The following SIM1 variants were observed in gnomAD, a reference collection of about 807,000 sequenced individuals.
SIM1 encodes SIM bHLH transcription factor 1.
SIM1 carries 18 observed loss-of-function variants against 78.2 expected under a neutral mutation model. The observed-to-expected ratio is 0.23, with a 90% CI of 0.16 to 0.34. SIM1 has a LOEUF of 0.34. SIM1 is among the 10% of genes least tolerant of loss of function. The pLI is 1.00. For missense variants in SIM1, 939 were observed against 975.1 expected (o/e 0.96, Z 0.49); for synonymous variants, 417 against 385.2 (o/e 1.08, Z -0.97).
chr6:100,416,988 A>AC (rs1036384530), intron 10 of SIM1, among the ~76,000 whole-genome samples: 8 of 152,034 alleles, frequency 5.3e-5, no homozygotes, highest in Admixed American at 1.3e-4. Flanking sequence ...TCAAAAAAAA[A>AC]AAACAAACTC....
chr6:100,420,790 C>G lies in SIM1; in HGVS notation c.1167G>C (p.Gln389His). The stretch of plus-strand genomic sequence containing the variant: ...AGTTGCAAAACAGCAATGCACTTAC[C>G]TGAGGGTATGGGGAAGTCCTGGATT... The part of the protein sequence containing the change: ...KSKSRTSPYP[Q>H]YSGFHTERSE... Residue 389 changes from glutamine to histidine, a missense_variant and splice_region_variant, in exon 10 of 12, where the codon CAG (glutamine) becomes CAC (histidine). Around this residue, in one of 5 missense-constraint regions of SIM1, gnomAD observed 556 missense variants for 521.9 expected, o/e 1.07. Coordinates refer to ENST00000369208, the MANE Select transcript of SIM1 (RefSeq NM_005068.3). 1 of 1,613,998 alleles carries G rather than the reference C, an allele frequency of 6.2e-7. No homozygotes were observed. Among genetic ancestry groups the G allele is most frequent in the Non-Finnish European group, 8.5e-7 (1 of 1,179,974 alleles).
chr6:100,420,859 G>C lies in SIM1; in HGVS notation c.1098C>G (p.Asp366Glu), dbSNP rs755575676. The change falls in exon 10 of 12, where the codon GAC becomes GAG. Residue 366 changes from aspartate (D) to glutamate (E), a missense_variant. Transcript: ENST00000369208. Reference sequence around the variant, plus strand: ...GCCGGGATTTGGCCCCCTTTCTGTTGTCAGTCATGGTGGGGGTGGAGCTGC... The same window carrying C: ...GCCGGGATTTGGCCCCCTTTCTGTTCTCAGTCATGGTGGGGGTGGAGCTGC... Reference protein sequence around the residue: ...YTSSSTPTMTDNRKGAKSRLS... With the variant: ...YTSSSTPTMTENRKGAKSRLS... 4.8e-5 allele frequency: 78 copies of C among 1,613,978 alleles called. No individual in the cohort carries two copies. Among genetic ancestry groups the C allele is most frequent in the Non-Finnish European group, 5.9e-6 (7 of 1,180,022 alleles).
rs1770548205 is a variant in SIM1, at chr6:100,387,771, T to C, written c.*2590A>G. On this transcript the variant is annotated 3_prime_UTR_variant, in exon 12 of 12. Transcript: ENST00000369208. ...TTCTGATTACTCTCATCTGTGAAAT[T>C]CATAATTTCTTCTTCTCACCAGTTA... The C allele has an allele frequency of 6.6e-6, 1 of 152,118 alleles. No individual in the cohort carries two copies. The highest frequency in any genetic ancestry group is 2.4e-5 in the African/African-American group (1 of 41,454). The allele number at this position is 152,118 out of a possible 1,614,324, so 9.4% of individuals were successfully genotyped here.
intron 9 of SIM1, among the ~76,000 whole-genome samples, chr6:100,433,464 C>A (rs113660433): frequency 2.0e-5 from 3 of 152,174 alleles, no homozygotes; most frequent in East Asian, 3.8e-4. Flanking sequence ...TTTAGAGAAA[C>A]CTTTCTGACC....
At chr6:100,403,072 T>G (rs1770966754) in intron 10 of SIM1, among the ~76,000 whole-genome samples, 1 of 152,200 alleles carries the variant, frequency 6.6e-6, no homozygotes, top group African/African-American at 2.4e-5. Flanking sequence ...CTGAAACCTC[T>G]TCTTAGAAAA....
At chr6:100,462,528 G>A (rs1772881748) in intron 2 of SIM1, 1 of 152,154 alleles carries the variant, frequency 6.6e-6, no homozygotes, top group African/African-American at 2.4e-5. Flanking sequence ...CAACAGCTCA[G>A]CTATTCTAAC....
At position 100,463,557 on chromosome 6, in the gene SIM1, G is replaced by C; in HGVS notation, c.-89C>G. 8.0e-7 allele frequency: 1 copy of C among 1,254,432 alleles called. No individual in the cohort carries two copies. Among genetic ancestry groups the C allele is most frequent in the Admixed American group, 2.1e-5 (1 of 46,820 alleles). 77.7% of individuals were successfully genotyped at this position (1,254,432 alleles called of 1,614,324 possible). A position where few individuals can be genotyped will look rare whatever the true frequency, so the allele number is the denominator to read the frequency against. ...AAACTTTCAATTAGAGATCATATTT[G>C]GCAAAAACATAAAACATACTTTGAA... On this transcript the variant is annotated 5_prime_UTR_variant, in exon 2 of 12. Coordinates refer to ENST00000369208, the MANE Select transcript of SIM1 (RefSeq NM_005068.3).
chr6:100,410,844 T>C (rs1019464094), intron 10 of SIM1, among the ~76,000 whole-genome samples: 1 of 152,184 alleles, frequency 6.6e-6, no homozygotes, highest in African/African-American at 2.4e-5. Flanking sequence ...AAATGTGATG[T>C]CCTCTTCCAG....
intron 3 of SIM1, 141 bp downstream of exon 3, chr6:100,453,621 T>C (rs970870550): frequency 6.2e-6 from 4 of 641,348 alleles, no homozygotes; most frequent in Non-Finnish European, 1.0e-5. Context: ...GAGGGCCACG[T>C]GCAGTCCGGA....
intron 10 of SIM1, among the ~76,000 whole-genome samples, chr6:100,397,838 CA>C (rs1393227837): frequency 6.6e-6 from 1 of 151,834 alleles, no homozygotes; most frequent in African/African-American, 2.4e-5. Flanking sequence ...ACAAGAACAA[CA>C]AAAAAGGGTG....
intron 9 of SIM1, among the ~76,000 whole-genome samples, chr6:100,434,917 C>T (rs1200629238): frequency 2.0e-5 from 3 of 152,204 alleles, no homozygotes; most frequent in Non-Finnish European, 2.9e-5. Flanking sequence ...GATCCATTCA[C>T]AGGCCCTATC....
At position 100,420,891 on chromosome 6, in the gene SIM1, A is replaced by T. The variant is rs767534502; in HGVS notation, c.1066T>A (p.Tyr356Asn). 1.9e-6 allele frequency: 3 copies of T among 1,613,890 alleles called. 1 individual carries two copies. In the Admixed American group the frequency reaches 5.0e-5, roughly 27 times the overall value. Residue 356 changes from tyrosine (Y) to asparagine (N), a missense_variant, in exon 10 of 12, where the codon TAT becomes AAT. By Grantham distance (143) the Tyr-to-Asn change is moderately radical (BLOSUM62 -2). This residue lies in a region of SIM1 where 556 missense variants were observed against 521.9 expected (regional missense o/e 1.07). Coordinates refer to ENST00000369208, the MANE Select transcript of SIM1 (RefSeq NM_005068.3). ...ATGGTGGGGGTGGAGCTGCTGGTAT[A>T]GGAGAAGGCTGGTTTGGAGGCTGAG... Reference protein sequence around the residue: ...QISASKPAFSYTSSSTPTMTD... With the variant: ...QISASKPAFSNTSSSTPTMTD...
chr6:100,461,839 T>A lies in SIM1; in HGVS notation c.175+1455A>T. Among the ~76,000 whole-genome samples, 5 of 56,654 alleles carry A rather than the reference T, an allele frequency of 8.8e-5. No individual in the cohort carries two copies. In the South Asian group the frequency reaches 5.5e-3, roughly 62 times the overall value. The allele number at this position is 56,654 out of a possible 152,430, so 37.2% of individuals were successfully genotyped here. On this transcript the variant is annotated intron_variant, in intron 2 of 11. Transcript: ENST00000369208. Reference sequence around the variant, plus strand: ...TTTTCTTCTTTTTTTCTTTCTTTCTTTCTTTTTTTTTTTTTTTTTTTAATT... The same window carrying A: ...TTTTCTTCTTTTTTTCTTTCTTTCTATCTTTTTTTTTTTTTTTTTTTAATT...
intron 8 of SIM1, among the ~76,000 whole-genome samples, 197 bp downstream of exon 8, chr6:100,447,949 T>C (rs1772404559): frequency 6.6e-6 from 1 of 152,246 alleles, no homozygotes; most frequent in South Asian, 2.1e-4. Context: ...CCGCCTATAT[T>C]AGCGGCCCGC....
intron 10 of SIM1, among the ~76,000 whole-genome samples, chr6:100,410,359 A>C (rs1000958822): frequency 1.3e-5 from 2 of 152,226 alleles, no homozygotes; most frequent in Non-Finnish European, 2.9e-5. Flanking sequence ...TTAAGCCAGA[A>C]GCAGAGGCTT....
chr6:100,447,360 G>T lies in SIM1; in HGVS notation c.906C>A (p.Gly302=), dbSNP rs548536168. The T allele has an allele frequency of 1.2e-6, 2 of 1,614,226 alleles. No homozygotes were observed. The highest frequency in any genetic ancestry group is 1.1e-5 in the South Asian group (1 of 91,082). ...TKYYRFLAKH[G]GWVWVQSYAT... ...CGTAGCTCTGCACCCATACCCAGCCGCCGTGTTTCGCCAGGAACCTGTAGT... is the reference window on the plus strand; with the variant it reads ...CGTAGCTCTGCACCCATACCCAGCCTCCGTGTTTCGCCAGGAACCTGTAGT... The change falls in exon 9 of 12, where the codon GGC becomes GGA. Residue 302 remains glycine (G), a synonymous_variant. Transcript: ENST00000369208.
intron 2 of SIM1, 141 bp from the exon 3 acceptor site, chr6:100,453,985 G>A (rs1178581994): frequency 5.6e-6 from 3 of 533,544 alleles, no homozygotes; most frequent in Admixed American, 7.4e-5. Flanking sequence ...GTGGACAGCG[G>A]GGGATGGGAG....
At chr6:100,448,893 T>C (rs1772435919) in intron 6 of SIM1, among the ~76,000 whole-genome samples, 1 of 152,120 alleles carries the variant, frequency 6.6e-6, no homozygotes, top group Admixed American at 6.5e-5. Flanking sequence ...GCGTACAAAA[T>C]GCAGAAGCCT....
chr6:100,443,192 T>C (rs1187544468), intron 9 of SIM1, among the ~76,000 whole-genome samples: 1 of 152,126 alleles, frequency 6.6e-6, no homozygotes, highest in Non-Finnish European at 1.5e-5. Flanking sequence ...ATAAATTGTC[T>C]CTATTTGTTC....
Sources: allele counts gnomAD v4.1 joint callset (sites outside exome capture counted in the v4.1 genomes callset), GRCh38; gene constraint gnomAD v4.1.1; regional missense constraint gnomAD v4.1.1; transcripts MANE v1.5; gene names NCBI Gene and HGNC (gene_info 2026-07-23, HGNC 2026-07-21).